The following RAD21L1 variants were observed in gnomAD, a reference collection of about 807,000 sequenced individuals.
RAD21L1 encodes the protein RAD21 cohesin complex component like 1.
A neutral mutation model predicts 69.0 loss-of-function variants in RAD21L1; 47 were observed. The ratio of observed to expected loss-of-function variants is 0.68; its 90% CI spans 0.54 to 0.87. RAD21L1 has a LOEUF of 0.87. Among genes scored for constraint, RAD21L1 ranks in the 40% least tolerant of loss-of-function variants. The pLI is 0.00. For synonymous variants in RAD21L1, 177 were observed against 205.8 expected (o/e 0.86, Z 1.20); for missense variants, 583 against 647.6 (o/e 0.90, Z 1.08).
At chr20:1,235,259 A>T (rs1363138000) in intron 5 of RAD21L1, among the ~76,000 whole-genome samples, 1 of 152,088 alleles carries the variant, frequency 6.6e-6, no homozygotes, top group Non-Finnish European at 1.5e-5. Context: ...GCCTATGTCT[A>T]TCTTGGTCGG....
At chr20:1,239,450 A>G (rs2087563483) in intron 7 of RAD21L1, 43 bp downstream of exon 7, 1 of 1,040,918 alleles carries the variant, frequency 9.6e-7, no homozygotes, top group African/African-American at 1.6e-5. Context: ...TGGGTTACTA[A>G]TGTTTAAGCC....
chr20:1,228,671 T>C, intron 2 of RAD21L1, 74 bp downstream of exon 2: 1 of 1,021,886 alleles, frequency 9.8e-7, no homozygotes, highest in Non-Finnish European at 1.4e-6. Context: ...GATACACTTA[T>C]ATCATGAAAT....
chr20:1,250,063 T>TTC (rs1301205703), intron 13 of RAD21L1, among the ~76,000 whole-genome samples: 1 of 143,200 alleles, frequency 7.0e-6, no homozygotes, highest in Non-Finnish European at 1.5e-5. Flanking sequence ...TGTCCAAGTG[T>TTC]TCTCATTGTT....
At chr20:1,247,551 C>T (rs1026077764) in intron 12 of RAD21L1, among the ~76,000 whole-genome samples, 2 of 152,104 alleles carry the variant, frequency 1.3e-5, no homozygotes, top group African/African-American at 4.8e-5. Flanking sequence ...ATTTTCAAAT[C>T]AGTCTTTTTG....
intron 4 of RAD21L1, among the ~76,000 whole-genome samples, chr20:1,232,822 CT>C (rs1386542127): frequency 2.0e-5 from 3 of 152,054 alleles, no homozygotes; most frequent in Non-Finnish European, 4.4e-5. Context: ...CCAGAATGAC[CT>C]TTTAGGAACA....
chr20:1,252,052 A>G (rs1402779634), intron 13 of RAD21L1, among the ~76,000 whole-genome samples: 1 of 152,124 alleles, frequency 6.6e-6, no homozygotes, highest in African/African-American at 2.4e-5. Flanking sequence ...CCCATTCCCA[A>G]GCAACCACTG....
Position 1,254,375 on chromosome 20 carries a change from A to T in RAD21L1, c.1586A>T (p.Lys529Ile). 3 of 1,551,506 alleles carry T rather than the reference A, an allele frequency of 1.9e-6. No individual in the cohort carries two copies. Among genetic ancestry groups the T allele is most frequent in the Non-Finnish European group, 2.6e-6 (3 of 1,146,876 alleles). The change falls in exon 14 of 14, where the codon AAA becomes ATA. Residue 529 changes from lysine to isoleucine, a missense_variant. Transcript: ENST00000683101. ...TTTTATAGCTTTCTTGTCCTAAAGA[A>T]ACAGCTGGCTATTGAGCTGAGCCAG... is the stretch of plus-strand genomic sequence containing the variant. ...AKFYSFLVLK[K>I]QLAIELSQSA... is the part of the protein sequence containing the mutation.
intron 11 of RAD21L1, among the ~76,000 whole-genome samples, chr20:1,245,475 T>G (rs899904367): frequency 7.9e-5 from 12 of 152,170 alleles, no homozygotes; most frequent in Non-Finnish European, 1.5e-4. Flanking sequence ...TTACTAAAAT[T>G]TTTTAAAGCT....
chr20:1,236,960 C>T (rs1045340385), intron 5 of RAD21L1, among the ~76,000 whole-genome samples: 4 of 152,176 alleles, frequency 2.6e-5, no homozygotes, highest in Admixed American at 1.3e-4. Context: ...TGGGAGCTAT[C>T]AAGCTGTACC....
At chr20:1,243,857 A>C (rs747963895) in intron 10 of RAD21L1, among the ~76,000 whole-genome samples, 189 bp from the exon 11 acceptor site, 46 of 152,302 alleles carry the variant, frequency 3.0e-4, no homozygotes, top group Middle Eastern at 3.4e-3. Flanking sequence ...TGGAGGTGAT[A>C]GAGACAGAGG....
chr20:1,240,455 TG>T, intron 8 of RAD21L1, 21 bp downstream of exon 8: 1 of 1,530,846 alleles, frequency 6.5e-7, no homozygotes, highest in Non-Finnish European at 8.8e-7. Flanking sequence ...TTTACGGTTT[TG>T]TTTTAATTTT....
In RAD21L1 at chr20:1,228,601, T is replaced by A. The variant is rs1350261454; in HGVS notation, c.144+4T>A. ...TGAAAAAATTCTTTCACCCAAGGTA[T>A]GTTACTGATTAAAATGATAGCTTGT... On this transcript the variant is annotated splice_donor_region_variant and intron_variant, in intron 2 of 13. Coordinates refer to ENST00000683101, the MANE Select transcript of RAD21L1 (RefSeq NM_001384355.1). The A allele has an allele frequency of 6.6e-7, 1 of 1,519,056 alleles. No individual in the cohort carries two copies. Among genetic ancestry groups the A allele is most frequent in the Non-Finnish European group, 8.9e-7 (1 of 1,128,412 alleles). The allele number at this position is 1,519,056 out of a possible 1,614,324, so 94.1% of individuals were successfully genotyped here. A position where few individuals can be genotyped will look rare whatever the true frequency, so the allele number is the denominator to read the frequency against.
At position 1,238,166 on chromosome 20, in the gene RAD21L1, G is replaced by A; in HGVS notation, c.598G>A (p.Asp200Asn). The A allele has an allele frequency of 2.0e-6, 3 of 1,537,884 alleles. No individual in the cohort carries two copies. Among genetic ancestry groups the A allele is most frequent in the Non-Finnish European group, 2.6e-6 (3 of 1,138,194 alleles). ...CACTGGAGAACGATCTCTATTCTAT[G>A]ACAGTGGAGATGGGTTTGGAGATGA... is the stretch of plus-strand genomic sequence containing the variant. ...SLTGERSLFY[D>N]SGDGFGDEGA... The change falls in exon 6 of 14, where the codon GAC (aspartate) becomes AAC (asparagine). Residue 200 changes from aspartate (D) to asparagine (N), a missense_variant. Asp to Asn is a conservative substitution (Grantham distance 23, BLOSUM62 1). Transcript: ENST00000683101.
intron 12 of RAD21L1, among the ~76,000 whole-genome samples, chr20:1,247,538 C>T (rs1273264944): frequency 3.9e-5 from 6 of 151,980 alleles, no homozygotes; most frequent in Non-Finnish European, 5.9e-5. Context: ...ATAAAGTGAC[C>T]GTATTTTCAA....
intron 4 of RAD21L1, among the ~76,000 whole-genome samples, chr20:1,233,332 A>G (rs1161391237): frequency 1.3e-5 from 2 of 152,088 alleles, no homozygotes; most frequent in Non-Finnish European, 2.9e-5. Flanking sequence ...GTAAAGAGAG[A>G]GAGGGATCTG....
intron 8 of RAD21L1, 100 bp from the exon 9 acceptor site, chr20:1,242,519 C>T (rs2087627877): frequency 3.3e-6 from 3 of 899,116 alleles, no homozygotes; most frequent in South Asian, 3.0e-5. Flanking sequence ...AGGCATGAGC[C>T]ACCGTGCCTG....
chr20:1,234,278 A>AT, intron 5 of RAD21L1, 87 bp downstream of exon 5: 1 of 673,492 alleles, frequency 1.5e-6, no homozygotes, highest in African/African-American at 1.8e-5. Context: ...AGACGTAGCT[A>AT]TAGAATGAAT....
At chr20:1,234,230 C>T in intron 5 of RAD21L1, 39 bp downstream of exon 5, 2 of 905,956 alleles carry the variant, frequency 2.2e-6, no homozygotes, top group Non-Finnish European at 3.5e-6. Context: ...AAATTATAAT[C>T]AATTATATTT....
At chr20:1,231,698 G>A in intron 4 of RAD21L1, 79 bp downstream of exon 4, 1 of 749,146 alleles carries the variant, frequency 1.3e-6, no homozygotes, top group East Asian at 2.7e-5. Flanking sequence ...TGAGTCAAAT[G>A]GAATGTAGTT....
Sources: allele counts gnomAD v4.1 joint callset (sites outside exome capture counted in the v4.1 genomes callset), GRCh38; gene constraint gnomAD v4.1.1; transcripts MANE v1.5; gene names NCBI Gene and HGNC (gene_info 2026-07-23, HGNC 2026-07-21).